The following NTM variants were observed in gnomAD, a reference collection of about 807,000 sequenced individuals.
NTM encodes the protein neurotrimin, also known as IgLON family member 2.
Under a neutral mutation model 42.1 loss-of-function variants are expected in NTM, and 13 were observed. That is an observed-to-expected ratio of 0.31 (90% CI 0.20 to 0.49). The LOEUF (loss-of-function observed/expected upper bound fraction) is 0.49. Ranked by LOEUF, NTM falls within the 20% of genes least tolerant of loss-of-function variation. The pLI is 0.99. For missense variants in NTM, 373 were observed against 452.8 expected (o/e 0.82, Z 1.60); for synonymous variants, 187 against 179.2 (o/e 1.04, Z -0.35).
chr11:132,195,635 G>T (rs1271598949), intron 3 of NTM, among the ~76,000 whole-genome samples: 2 of 152,066 alleles, frequency 1.3e-5, no homozygotes, highest in Non-Finnish European at 2.9e-5. Context: ...CAGGATAGAG[G>T]CCTCAGAAAT....
At chr11:131,876,070 A>G (rs1376449051) in intron 1 of NTM, among the ~76,000 whole-genome samples, 1 of 152,186 alleles carries the variant, frequency 6.6e-6, no homozygotes, top group Non-Finnish European at 1.5e-5. Flanking sequence ...GTGGCATTTG[A>G]AGGGGGATAA....
intron 2 of NTM, among the ~76,000 whole-genome samples, chr11:132,020,307 G>T (rs1005555093): frequency 2.6e-5 from 4 of 151,814 alleles, no homozygotes; most frequent in Non-Finnish European, 4.4e-5. Flanking sequence ...TTTTCATTGT[G>T]ATATTTATAT....
intron 4 of NTM, among the ~76,000 whole-genome samples, chr11:132,297,066 C>A (rs1784997544): frequency 6.6e-6 from 1 of 152,226 alleles, no homozygotes; most frequent in Admixed American, 6.5e-5. Flanking sequence ...GCTTCCTGCT[C>A]TTCTGTAGAA....
chr11:132,002,392 T>C lies in NTM; in HGVS notation c.167+90744T>C, dbSNP rs113070217. On this transcript the variant is annotated intron_variant, in intron 2 of 8. Coordinates refer to ENST00000683400, the MANE Select transcript of NTM (RefSeq NM_001352005.2). The surrounding 1 kb of genome is among the most constrained non-coding windows in gnomAD (Gnocchi z 4.5). Reference sequence around the variant, plus strand: ...GGAGTTTTCTAATAAGCAACTGAGTTGGGAAGGTAACAGAAGGGGAAATTT... The same window carrying C: ...GGAGTTTTCTAATAAGCAACTGAGTCGGGAAGGTAACAGAAGGGGAAATTT... Among the ~76,000 whole-genome samples the C allele has an allele frequency of 2.8e-3, 430 of 152,240 alleles. 2 individuals are homozygous for C. The highest frequency in any genetic ancestry group is 9.7e-3 in the African/African-American group (402 of 41,542).
At chr11:131,800,478 C>G in intron 1 of NTM, among the ~76,000 whole-genome samples, 1 of 152,240 alleles carries the variant, frequency 6.6e-6, no homozygotes, top group Non-Finnish European at 1.5e-5. Flanking sequence ...CTTTTCTTCT[C>G]CCTGCAAAAG....
At chr11:131,654,721 C>T (rs1183528282) in intron 1 of NTM, among the ~76,000 whole-genome samples, 1 of 152,030 alleles carries the variant, frequency 6.6e-6, no homozygotes, top group East Asian at 1.9e-4. Flanking sequence ...GGGCCTGGCA[C>T]CTCCCACGCT....
At chr11:131,792,391 G>A (rs2091054059) in intron 1 of NTM, among the ~76,000 whole-genome samples, 1 of 152,116 alleles carries the variant, frequency 6.6e-6, no homozygotes, top group African/African-American at 2.4e-5. Context: ...TATGTTCTCA[G>A]ATTTCTGACA....
At chr11:131,625,819 T>C (rs1420496111) in intron 1 of NTM, among the ~76,000 whole-genome samples, 1 of 152,188 alleles carries the variant, frequency 6.6e-6, no homozygotes, top group Non-Finnish European at 1.5e-5. Context: ...TCACAGAGAT[T>C]CTTCTCCTCT....
intron 2 of NTM, among the ~76,000 whole-genome samples, chr11:131,965,147 A>G (rs989499277): frequency 3.3e-5 from 5 of 152,204 alleles, no homozygotes; most frequent in Non-Finnish European, 5.9e-5. Context: ...GATGAAGTGC[A>G]TGACAAAGCA....
chr11:131,620,439 T>C (rs1372511904), intron 1 of NTM, among the ~76,000 whole-genome samples: 1 of 152,208 alleles, frequency 6.6e-6, no homozygotes, highest in African/African-American at 2.4e-5. Flanking sequence ...CAGTGACTTC[T>C]CATTCCATGT....
At chr11:131,907,148 G>T (rs571392929) in intron 1 of NTM, among the ~76,000 whole-genome samples, 2 of 152,152 alleles carry the variant, frequency 1.3e-5, no homozygotes, top group Non-Finnish European at 2.9e-5. Flanking sequence ...AGCCTTTTTC[G>T]ACGAGGAGAA....
At chr11:131,388,839 T>C (rs572975313) in intron 1 of NTM, among the ~76,000 whole-genome samples, 2 of 150,986 alleles carry the variant, frequency 1.3e-5, no homozygotes, top group Admixed American at 6.6e-5. Flanking sequence ...TGGTGAAACC[T>C]CATCTCTACT....
intron 3 of NTM, among the ~76,000 whole-genome samples, chr11:132,185,330 G>A (rs562942420): frequency 6.6e-6 from 1 of 152,122 alleles, no homozygotes; most frequent in Non-Finnish European, 1.5e-5. Context: ...AGGCTTTTAT[G>A]TTCCCCATAA....
intron 1 of NTM, among the ~76,000 whole-genome samples, chr11:131,733,684 C>T (rs573639401): frequency 6.6e-5 from 10 of 152,134 alleles, no homozygotes; most frequent in East Asian, 3.9e-4. Flanking sequence ...TACAGGCACA[C>T]GCCACTATGC....
chr11:131,932,991 AG>A (rs1294423102), intron 2 of NTM, among the ~76,000 whole-genome samples: 4 of 152,248 alleles, frequency 2.6e-5, no homozygotes, highest in African/African-American at 9.6e-5. Flanking sequence ...GAGCAGAGCC[AG>A]GGCTGTGAGC....
chr11:132,172,527 C>T (rs2076252075), intron 3 of NTM, among the ~76,000 whole-genome samples: 1 of 152,092 alleles, frequency 6.6e-6, no homozygotes, highest in South Asian at 2.1e-4. Flanking sequence ...ATGCTTTGGC[C>T]TGTGAAAGAA....
rs1350439782 is a variant in NTM, at chr11:132,146,307, C to T, written c.193C>T (p.Arg65Trp). The change falls in exon 3 of 9, where the codon CGG becomes TGG. Residue 65 changes from arginine to tryptophan, a missense_variant. This residue lies in a region of NTM where 32 missense variants were observed against 68.8 expected (regional missense o/e 0.47). Transcript: ENST00000683400. This position sits in a 1 kb window ranked among gnomAD's most constrained non-coding sequence, Gnocchi z 4.5. ...GTGCACTATTGACAACCGGGTCACC[C>T]GGGTGGCCTGGCTAAACCGCAGCAC... is the stretch of plus-strand genomic sequence containing the variant. The part of the protein sequence containing the change: ...LRCTIDNRVT[R>W]VAWLNRSTIL... The T allele has an allele frequency of 2.5e-6, 4 of 1,614,078 alleles. No homozygotes were observed. Among genetic ancestry groups the T allele is most frequent in the Non-Finnish European group, 3.4e-6 (4 of 1,180,042 alleles).
intron 2 of NTM, among the ~76,000 whole-genome samples, chr11:131,974,810 T>C (rs899078797): frequency 2.6e-5 from 4 of 152,176 alleles, no homozygotes; most frequent in Admixed American, 6.5e-5. Flanking sequence ...TGCATAATTA[T>C]TAGGTCCTAG....
intron 2 of NTM, among the ~76,000 whole-genome samples, chr11:131,914,520 C>T (rs944709231): frequency 6.6e-6 from 1 of 152,174 alleles, no homozygotes; most frequent in Non-Finnish European, 1.5e-5. Flanking sequence ...GCTTTGTTCT[C>T]ACCAACATCA....
Sources: gnomAD v4.1 joint callset for allele counts (sites outside exome capture counted in the v4.1 genomes callset) on GRCh38, gnomAD v4.1.1 for gene constraint, gnomAD v4.1.1 regional missense constraint, Gnocchi (gnomAD v3.1) non-coding constraint, MANE v1.5 for transcripts, NCBI Gene and HGNC (gene_info 2026-07-23, HGNC 2026-07-21) for gene names.